RAPSN: variants seen among roughly 807,000 people sequenced by gnomAD.
RAPSN encodes 43 kDa receptor-associated protein of the synapse.
Under a neutral mutation model 45.7 loss-of-function variants are expected in RAPSN, and 33 were observed. That is an observed-to-expected ratio of 0.72 (90% CI 0.55 to 0.97). The LOEUF is 0.97. Ranked by LOEUF, RAPSN falls within the 50% of genes least tolerant of loss-of-function variation. RAPSN has a pLI of 0.00. For synonymous variants in RAPSN, 244 were observed against 233.6 expected, an observed-to-expected ratio of 1.04 and a Z score of -0.40; for missense variants, 519 against 559.4, an observed-to-expected ratio of 0.93 and a Z score of 0.73.
chr11:47,447,693 T>C (rs1452682426), intron 2 of RAPSN, 119 bp downstream of exon 2: 5 of 1,202,764 alleles, frequency 4.2e-6, no homozygotes, highest in Non-Finnish European at 5.9e-6. Context: ...TCTCTGATTC[T>C]CACTCTCCTC....
chr11:47,439,029 C>T, intron 6 of RAPSN, 98 bp from the exon 7 acceptor site: 2 of 1,363,794 alleles, frequency 1.5e-6, no homozygotes, highest in Non-Finnish European at 2.0e-6. Context: ...TGCTGATGGA[C>T]CTTGGAAAAA....
At chr11:47,448,357 A>G (rs1230350751) in intron 1 of RAPSN, among the ~76,000 whole-genome samples, 1 of 151,896 alleles carries the variant, frequency 6.6e-6, no homozygotes, top group Non-Finnish European at 1.5e-5. Flanking sequence ...TCACCTCCCA[A>G]GCTCAGGCTT....
intron 7 of RAPSN, 63 bp downstream of exon 7, chr11:47,438,669 T>C (rs780254774): frequency 9.2e-6 from 14 of 1,528,412 alleles, no homozygotes; most frequent in Non-Finnish European, 1.2e-5. Flanking sequence ...TTAAGCCAGC[T>C]GGGCCCTAGA....
At chr11:47,447,655 T>G (rs767343023) in intron 2 of RAPSN, among the ~76,000 whole-genome samples, 157 bp downstream of exon 2, 15 of 152,186 alleles carry the variant, frequency 9.9e-5, no homozygotes, top group Non-Finnish European at 1.6e-4. Context: ...CTGGCCAAGT[T>G]GTTACCTTCC....
chr11:47,441,408 G>C (rs2076360934), intron 5 of RAPSN, 196 bp from the exon 6 acceptor site: 2 of 1,205,682 alleles, frequency 1.7e-6, no homozygotes, highest in Admixed American at 2.2e-5. Context: ...GTTTACCCAG[G>C]GTTCCAGCCC....
intron 6 of RAPSN, 141 bp from the exon 7 acceptor site, chr11:47,439,072 C>T (rs1212611898): frequency 2.2e-6 from 2 of 924,996 alleles, no homozygotes; most frequent in African/African-American, 1.6e-5. Flanking sequence ...TGCTTCCTTT[C>T]ATGCAGAATG....
chr11:47,440,335 T>C (rs2076353127), intron 6 of RAPSN, among the ~76,000 whole-genome samples: 1 of 152,194 alleles, frequency 6.6e-6, no homozygotes, highest in Non-Finnish European at 1.5e-5. Flanking sequence ...TGGAGTGCAG[T>C]GGAGCAATCA....
At chr11:47,442,208 T>A (rs889868023) in intron 3 of RAPSN, among the ~76,000 whole-genome samples, 3 of 152,168 alleles carry the variant, frequency 2.0e-5, no homozygotes, top group Admixed American at 2.0e-4. Flanking sequence ...ACTGGCCCTC[T>A]TCCGTCTCTA....
chr11:47,442,888 G>C (rs1565685061), intron 2 of RAPSN, 74 bp from the exon 3 acceptor site: 19 of 1,603,336 alleles, frequency 1.2e-5, no homozygotes, highest in Non-Finnish European at 1.5e-5. Context: ...TCCTGGGCTA[G>C]GTTTCTCTAA....
Position 47,442,804 on chromosome 11 carries a change from TTCTCGTAG to T in RAPSN, c.534_541del (p.Asp178GlufsTer50). 6.2e-7 allele frequency: 1 copy of T among 1,614,180 alleles called. No individual in the cohort carries two copies. Among genetic ancestry groups the T allele is most frequent in the Non-Finnish European group, 8.5e-7 (1 of 1,180,040 alleles). ...CGCCTTGCAGGGGAAGAACAGGGCT[TTCTCGTAG>T]TCCTGCAGGGGACATGGAATGGAAG... On this transcript the variant is annotated frameshift_variant and splice_region_variant, in exon 3 of 8. Transcript: ENST00000298854. LOFTEE classifies it high-confidence loss of function.
intron 6 of RAPSN, among the ~76,000 whole-genome samples, chr11:47,439,858 G>A (rs918048172): frequency 5.3e-5 from 8 of 151,746 alleles, no homozygotes; most frequent in African/African-American, 1.9e-4. Flanking sequence ...GATTACAGGC[G>A]TGCACTACCA....
Position 47,438,905 on chromosome 11 carries a change from C to A in RAPSN, c.993G>T (p.Leu331=), listed in dbSNP as rs867698000. Reference sequence around the variant, plus strand: ...CTTTGCTGCGGTAAATGCTCTCGCTCAGACAGTGCAGCTTGAGCTGGCTCA... The same window carrying A: ...CTTTGCTGCGGTAAATGCTCTCGCTAAGACAGTGCAGCTTGAGCTGGCTCA... ...NKLSQLKLHC[L]SESIYRSKGL... The change falls in exon 7 of 8, where the codon CTG becomes CTT. Residue 331 remains leucine, a synonymous_variant. Coordinates refer to ENST00000298854, the MANE Select transcript of RAPSN (RefSeq NM_005055.5). The A allele has an allele frequency of 6.4e-7, 1 of 1,560,942 alleles. No homozygotes were observed. The highest frequency in any genetic ancestry group is 2.4e-5 in the East Asian group (1 of 42,256).
At chr11:47,438,478 A>G in intron 7 of RAPSN, 1 of 575,318 alleles carries the variant, frequency 1.7e-6, no homozygotes. Context: ...TCCCACCACC[A>G]TGCCTGGGTA....
At chr11:47,440,064 C>A (rs929452451) in intron 6 of RAPSN, among the ~76,000 whole-genome samples, 1 of 152,122 alleles carries the variant, frequency 6.6e-6, no homozygotes, top group African/African-American at 2.4e-5. Context: ...CCAAAGCAAG[C>A]ACTAGATACC....
Position 47,438,375 on chromosome 11 carries a change from G to C in RAPSN, c.1167-328C>G, listed in dbSNP as rs1201948560. 5 of 570,608 alleles carry C rather than the reference G, an allele frequency of 8.8e-6. No homozygotes were observed. In the East Asian group the frequency reaches 1.4e-4, roughly 17 times the overall value. The allele number at this position is 570,608 out of a possible 1,614,324, so 35.3% of individuals were successfully genotyped here. A position where few individuals can be genotyped will look rare whatever the true frequency, so the allele number is the denominator to read the frequency against. Reference sequence around the variant, plus strand: ...GACTCCTCTTTGGGGATTATGAAAAGAATGGCCACAGATCTCAGCTCACTG... The same window carrying C: ...GACTCCTCTTTGGGGATTATGAAAACAATGGCCACAGATCTCAGCTCACTG... On this transcript the variant is annotated intron_variant, in intron 7 of 7. Coordinates refer to ENST00000298854, the MANE Select transcript of RAPSN (RefSeq NM_005055.5).
At chr11:47,439,712 ATTTTTTT>A (rs3972616) in intron 6 of RAPSN, among the ~76,000 whole-genome samples, 2 of 127,272 alleles carry the variant, frequency 1.6e-5, no homozygotes, top group Non-Finnish European at 3.2e-5. Flanking sequence ...GATTATGACG[ATTTTTTT>A]TTTTTTTTTT....
rs1322683130 is a variant in RAPSN at position 47,442,862 on chromosome 11, G to T, written c.532-48C>A. ...GGAGGCAAACTGAGTGGCAGAGGCT[G>T]CCCCAAGTCAAGGGCTCCTGGGCTA... On this transcript the variant is annotated intron_variant, in intron 2 of 7. Transcript: ENST00000298854. The T allele has an allele frequency of 8.7e-6, 14 of 1,609,200 alleles. No homozygotes were observed. The Admixed American group carries it at 2.3e-4, about 27-fold the overall frequency.
At chr11:47,438,615 G>T in intron 7 of RAPSN, 117 bp downstream of exon 7, 5 of 1,290,540 alleles carry the variant, frequency 3.9e-6, no homozygotes, top group Non-Finnish European at 5.4e-6. Context: ...GAGGCACCAC[G>T]CCTGGCCAAG....
chr11:47,438,682 G>T (rs750566115), intron 7 of RAPSN, 50 bp downstream of exon 7: 4 of 1,545,986 alleles, frequency 2.6e-6, no homozygotes, highest in Non-Finnish European at 3.5e-6. Context: ...GCCCTAGAGT[G>T]CCCCGAAGAG....
Sources: gnomAD v4.1 joint callset for allele counts (sites outside exome capture counted in the v4.1 genomes callset) on GRCh38, gnomAD v4.1.1 for gene constraint, MANE v1.5 for transcripts, NCBI Gene and HGNC (gene_info 2026-07-23, HGNC 2026-07-21) for gene names.